Variants in DSCAM observed in about 807,000 individuals in gnomAD.
DSCAM encodes the protein cell adhesion molecule DSCAM.
In DSCAM, 47 loss-of-function variants were observed where a neutral mutation model predicts 217.7. The ratio of observed to expected loss-of-function variants is 0.22; its 90% CI spans 0.17 to 0.28. DSCAM has a LOEUF of 0.28. Among genes scored for constraint, DSCAM ranks in the 10% least tolerant of loss-of-function variants. The pLI, the probability that DSCAM is intolerant of heterozygous loss-of-function variation, is 1.00. For synonymous variants in DSCAM, 1,056 were observed against 1,015.3 expected (o/e 1.04, Z -0.76); for missense variants, 2,080 against 2,618.3 (o/e 0.79, Z 4.49).
At chr21:40,658,401 A>G (rs1355228196) in intron 3 of DSCAM, among the ~76,000 whole-genome samples, 1 of 152,180 alleles carries the variant, frequency 6.6e-6, no homozygotes, top group Non-Finnish European at 1.5e-5. Flanking sequence ...GTCATGGCTT[A>G]AAAATTAGCT....
At chr21:40,610,452 G>A (rs566443795) in intron 3 of DSCAM, among the ~76,000 whole-genome samples, 1 of 152,206 alleles carries the variant, frequency 6.6e-6, no homozygotes, top group Non-Finnish European at 1.5e-5. Context: ...GGCTGGCAAG[G>A]CCCCATCCCC....
At chr21:40,544,933 A>G (rs2076569762) in intron 3 of DSCAM, among the ~76,000 whole-genome samples, 1 of 151,080 alleles carries the variant, frequency 6.6e-6, no homozygotes. Flanking sequence ...AAAAAAAGGT[A>G]GAATAGGCGC....
chr21:40,465,992 G>A (rs925911799), intron 3 of DSCAM, among the ~76,000 whole-genome samples: 2 of 152,146 alleles, frequency 1.3e-5, no homozygotes, highest in Non-Finnish European at 2.9e-5. Context: ...ACGGAATCAT[G>A]CCTGCAAAAA....
Position 40,051,898 on chromosome 21 carries a change from C to T in DSCAM, c.5185+60G>A, listed in dbSNP as rs1002151903. On this transcript the variant is annotated intron_variant, in intron 30 of 32. Transcript: ENST00000400454. ...ACATTTTCATTTGAGAGAGAAAGAA[C>T]ATTACTATGTTTTCAGCATTGTTAA... The T allele has an allele frequency of 7.1e-6, 11 of 1,541,330 alleles. No individual in the cohort carries two copies. In the African/African-American group the frequency reaches 1.5e-4, roughly 21 times the overall value.
Position 40,369,265 on chromosome 21 carries a change from T to A in DSCAM, c.509-20A>T. On this transcript the variant is annotated intron_variant, in intron 3 of 32. Coordinates refer to ENST00000400454, the MANE Select transcript of DSCAM (RefSeq NM_001389.5). The stretch of plus-strand genomic sequence containing the variant: ...TAGATCCTGAAATAGAGGAAAACAG[T>A]GGCTTGGTTAAAAGACAATGAAAGC... 5 of 1,601,316 alleles carry A rather than the reference T, an allele frequency of 3.1e-6. No individual in the cohort carries two copies. The highest frequency in any genetic ancestry group is 4.3e-6 in the Non-Finnish European group (5 of 1,174,460).
chr21:40,412,210 C>T (rs1258681265), intron 3 of DSCAM, among the ~76,000 whole-genome samples: 11 of 152,046 alleles, frequency 7.2e-5, no homozygotes, highest in Admixed American at 3.9e-4. Context: ...TCTTTATCAG[C>T]GGCATGAAAA....
intron 20 of DSCAM, among the ~76,000 whole-genome samples, chr21:40,106,330 A>G (rs1157801998): frequency 1.3e-5 from 2 of 152,096 alleles, no homozygotes; most frequent in Non-Finnish European, 2.9e-5. Context: ...ACACAGCCAA[A>G]CTATATCAAT....
At chr21:40,030,993 C>T (rs1013880670) in intron 32 of DSCAM, among the ~76,000 whole-genome samples, 10 of 152,168 alleles carry the variant, frequency 6.6e-5, no homozygotes, top group African/African-American at 1.7e-4. Context: ...TGACCTTGTC[C>T]GGTGGTCTGG....
At chr21:40,591,998 AT>A (rs1359468860) in intron 3 of DSCAM, among the ~76,000 whole-genome samples, 1 of 152,224 alleles carries the variant, frequency 6.6e-6, no homozygotes, top group Admixed American at 6.5e-5. Context: ...GCCTTCTGGC[AT>A]TCAGAATTGC....
chr21:40,332,959 C>T (rs2074392436), intron 8 of DSCAM, among the ~76,000 whole-genome samples: 1 of 152,130 alleles, frequency 6.6e-6, no homozygotes, highest in African/African-American at 2.4e-5. Context: ...TAAAACGAAC[C>T]TCCTGGGGAC....
intron 15 of DSCAM, among the ~76,000 whole-genome samples, chr21:40,170,100 C>T (rs958581856): frequency 6.6e-5 from 10 of 152,178 alleles, no homozygotes; most frequent in Non-Finnish European, 1.0e-4. Flanking sequence ...TCCGCGCACT[C>T]CCTATGCACC....
At chr21:40,433,789 C>T (rs1569121377) in intron 3 of DSCAM, among the ~76,000 whole-genome samples, 1 of 152,098 alleles carries the variant, frequency 6.6e-6, no homozygotes, top group African/African-American at 2.4e-5. Context: ...TGGATGAGGT[C>T]ACCTGAGTTG....
At chr21:40,659,571 T>C (rs754021334) in intron 3 of DSCAM, among the ~76,000 whole-genome samples, 28 of 152,258 alleles carry the variant, frequency 1.8e-4, no homozygotes, top group Non-Finnish European at 3.5e-4. Context: ...TATTTATCTA[T>C]GTATCTATCT....
At chr21:40,686,217 A>ACACACACACACACCCTC (rs1555880551) in intron 3 of DSCAM, among the ~76,000 whole-genome samples, 145 of 146,800 alleles carry the variant, frequency 9.9e-4, no homozygotes, top group Middle Eastern at 3.6e-3. Flanking sequence ...CCACACACAC[A>ACACACACACACACCCTC]CACACACACA....
At chr21:40,419,272 C>T (rs13053035) in intron 3 of DSCAM, among the ~76,000 whole-genome samples, 1,671 of 152,144 alleles carry the variant, frequency 0.011, 12 homozygotes, top group Non-Finnish European at 0.02. Context: ...TGAGCCACCA[C>T]ACCCAGCCCA....
At chr21:40,769,335 G>A (rs1217012353) in intron 1 of DSCAM, among the ~76,000 whole-genome samples, 3 of 152,176 alleles carry the variant, frequency 2.0e-5, no homozygotes, top group African/African-American at 7.2e-5. Context: ...GGGAGCTCTG[G>A]TCAGAGACCC....
intron 3 of DSCAM, among the ~76,000 whole-genome samples, chr21:40,675,150 G>A (rs371648012): frequency 1.2e-4 from 19 of 152,230 alleles, no homozygotes; most frequent in South Asian, 1.0e-3. Flanking sequence ...AAGGAGTGTT[G>A]ACGGATGCCT....
intron 29 of DSCAM, among the ~76,000 whole-genome samples, chr21:40,053,351 C>T (rs1254324256): frequency 6.6e-6 from 1 of 152,218 alleles, no homozygotes; most frequent in Non-Finnish European, 1.5e-5. Flanking sequence ...TCACTCGACT[C>T]CTCAAAGAGG....
chr21:40,479,006 G>A (rs2075960188), intron 3 of DSCAM, among the ~76,000 whole-genome samples: 1 of 152,128 alleles, frequency 6.6e-6, no homozygotes, highest in Admixed American at 6.5e-5. Context: ...TCAGACCATG[G>A]TTGATCAAGG....
Sources: allele counts gnomAD v4.1 joint callset (sites outside exome capture counted in the v4.1 genomes callset), GRCh38; gene constraint gnomAD v4.1.1; transcripts MANE v1.5; gene names NCBI Gene and HGNC (gene_info 2026-07-23, HGNC 2026-07-21).